The following EFL1 variants were observed in gnomAD, a reference collection of about 807,000 sequenced individuals.
EFL1 encodes the protein elongation factor-like GTPase 1.
Under a neutral mutation model 126.7 loss-of-function variants are expected in EFL1, and 76 were observed. The ratio of observed to expected loss-of-function variants is 0.60; its 90% confidence interval spans 0.50 to 0.73. The LOEUF (loss-of-function observed/expected upper bound fraction) is 0.73, where lower values mean the gene tolerates loss of function less well. EFL1 is among the 30% of genes least tolerant of loss of function. The probability of loss-of-function intolerance (pLI) is 0.00; values close to 1 mark genes in which losing one functional copy is unlikely to be tolerated. For synonymous variants in EFL1, 410 were observed against 448.4 expected, an observed-to-expected ratio of 0.91 and a Z score of 1.08; for missense variants, 1,128 against 1,343.2, an observed-to-expected ratio of 0.84 and a Z score of 2.50.
intron 15 of EFL1, among the ~76,000 whole-genome samples, chr15:82,207,309 C>CACACAT (rs2074536117): frequency 7.7e-6 from 1 of 130,046 alleles, no homozygotes; most frequent in Non-Finnish European, 1.6e-5. Flanking sequence ...TATATATATA[C>CACACAT]ACACACACAT....
chr15:82,166,640 T>G (rs1220815687), intron 15 of EFL1, among the ~76,000 whole-genome samples: 1 of 152,228 alleles, frequency 6.6e-6, no homozygotes, highest in Admixed American at 6.5e-5. Context: ...AAATACAGTC[T>G]GAAGCAACTT....
At chr15:82,237,591 C>G (rs1361128797) in intron 7 of EFL1, among the ~76,000 whole-genome samples, 3 of 152,206 alleles carry the variant, frequency 2.0e-5, no homozygotes, top group African/African-American at 7.2e-5. Flanking sequence ...CGTCTGGAAA[C>G]AGTTTGGTAG....
Position 82,214,745 on chromosome 15 carries a change from T to C in EFL1, c.1722A>G (p.Leu574=), listed in dbSNP as rs2074627132. 1 of 1,594,684 alleles carries C rather than the reference T, an allele frequency of 6.3e-7. No homozygotes were observed. Among genetic ancestry groups the C allele is most frequent in the Admixed American group, 1.8e-5 (1 of 56,232 alleles). Reference sequence around the variant, plus strand: ...GCACATTTCCTGGAGGTACCTCCTCTAGATATTCCAGTTCCCTTCCCATCA... The same window carrying C: ...GCACATTTCCTGGAGGTACCTCCTCCAGATATTCCAGTTCCCTTCCCATCA... The part of the protein sequence containing the change: ...YLLMGRELEY[L]EEVPPGNVLG... The change falls in exon 15 of 20, where the codon CTA becomes CTG. Residue 574 remains leucine, a synonymous_variant. Transcript: ENST00000268206.
At chr15:82,253,377 G>A (rs2075041105) in intron 3 of EFL1, among the ~76,000 whole-genome samples, 1 of 151,520 alleles carries the variant, frequency 6.6e-6, no homozygotes, top group South Asian at 2.1e-4. Context: ...ATGGGGGTCT[G>A]GAGAAGTGAA....
intron 15 of EFL1, among the ~76,000 whole-genome samples, chr15:82,167,314 T>C (rs530434119): frequency 6.6e-6 from 1 of 152,324 alleles, no homozygotes; most frequent in African/African-American, 2.4e-5. Flanking sequence ...TTAAATAAAT[T>C]GGCATGTGAA....
chr15:82,173,174 C>T (rs1261960217), intron 15 of EFL1, among the ~76,000 whole-genome samples: 1 of 152,116 alleles, frequency 6.6e-6, no homozygotes, highest in African/African-American at 2.4e-5. Flanking sequence ...ATAATGAATT[C>T]ATACAATGGA....
rs1280021228 is a variant in EFL1 at position 82,227,446 on chromosome 15, T to G, written c.1192+4A>C. 1 of 1,614,128 alleles carries G rather than the reference T, an allele frequency of 6.2e-7. No individual in the cohort carries two copies. Among genetic ancestry groups the G allele is most frequent in the South Asian group, 1.1e-5 (1 of 91,078 alleles). ...TATATTCCAACAGGTCCATCTTTCC[T>G]CACCTGCTTTCAGTGCTTGAGTTTC... On this transcript the variant is annotated splice_donor_region_variant and intron_variant, in intron 11 of 19. Transcript: ENST00000268206.
chr15:82,176,040 T>C (rs955910587), intron 15 of EFL1, among the ~76,000 whole-genome samples: 1 of 152,196 alleles, frequency 6.6e-6, no homozygotes, highest in Non-Finnish European at 1.5e-5. Flanking sequence ...GCTGCCATTA[T>C]TGAAGATGTA....
At chr15:82,165,771 C>G (rs2074073343) in intron 15 of EFL1, among the ~76,000 whole-genome samples, 1 of 152,236 alleles carries the variant, frequency 6.6e-6, no homozygotes, top group African/African-American at 2.4e-5. Context: ...CCTTTTAACT[C>G]TGTTCTGCCT....
intron 15 of EFL1, among the ~76,000 whole-genome samples, chr15:82,166,765 T>A (rs538740326): frequency 6.6e-6 from 1 of 152,360 alleles, no homozygotes; most frequent in East Asian, 1.9e-4. Context: ...TTTTTTCTTC[T>A]CTATTGTCAC....
At chr15:82,256,091 A>C (rs1033723953) in intron 3 of EFL1, among the ~76,000 whole-genome samples, 1 of 152,074 alleles carries the variant, frequency 6.6e-6, no homozygotes, top group Non-Finnish European at 1.5e-5. Flanking sequence ...GTTTTCTCCA[A>C]TATCTCATAG....
chr15:82,140,544 G>T (rs915212606), intron 18 of EFL1, among the ~76,000 whole-genome samples: 2 of 152,052 alleles, frequency 1.3e-5, no homozygotes, highest in Admixed American at 6.5e-5. Flanking sequence ...TCCACTCAGC[G>T]AGACAACTAA....
chr15:82,226,453 G>T (rs2074764857), intron 11 of EFL1, among the ~76,000 whole-genome samples: 2 of 152,176 alleles, frequency 1.3e-5, no homozygotes, highest in African/African-American at 4.8e-5. Context: ...TGATGGACTG[G>T]ATGTTGGAGT....
At chr15:82,261,839 G>A in intron 1 of EFL1, 42 bp from the exon 2 acceptor site, 1 of 1,501,340 alleles carries the variant, frequency 6.7e-7, no homozygotes, top group Non-Finnish European at 9.1e-7. Flanking sequence ...AGAGGCTAAA[G>A]GTCGGGGCAA....
chr15:82,241,300 C>G lies in EFL1; in HGVS notation c.348G>C (p.Val116=). ...AVRICDGCII[V]VDAVEGVCPQ... ...GACAGACTCCTTCCACAGCATCTAC[C>G]ACAATGATGCATCCATCACAAATGC... Residue 116 remains valine, a synonymous_variant, in exon 5 of 20, where the codon GTG becomes GTC. Coordinates refer to ENST00000268206, the MANE Select transcript of EFL1 (RefSeq NM_024580.6). 1 of 1,613,938 alleles carries G rather than the reference C, an allele frequency of 6.2e-7. No homozygotes were observed. The highest frequency in any genetic ancestry group is 8.5e-7 in the Non-Finnish European group (1 of 1,179,860).
chr15:82,198,329 C>T (rs773112444), intron 15 of EFL1, among the ~76,000 whole-genome samples: 10 of 152,128 alleles, frequency 6.6e-5, no homozygotes, highest in East Asian at 1.9e-4. Flanking sequence ...CCAGTGTAAA[C>T]GAGAAAGTGC....
At chr15:82,201,601 G>T (rs2141282072) in intron 15 of EFL1, among the ~76,000 whole-genome samples, 1 of 150,200 alleles carries the variant, frequency 6.7e-6, no homozygotes, top group South Asian at 2.1e-4. Context: ...AAATTATACT[G>T]CAATTGTGTG....
chr15:82,168,173 A>C (rs1168463286), intron 15 of EFL1, among the ~76,000 whole-genome samples: 1 of 152,134 alleles, frequency 6.6e-6, no homozygotes, highest in Non-Finnish European at 1.5e-5. Context: ...CTCTGTTTCC[A>C]ATTTTATGCC....
At chr15:82,237,704 CAT>C (rs1488574009) in intron 7 of EFL1, among the ~76,000 whole-genome samples, 1 of 149,158 alleles carries the variant, frequency 6.7e-6, no homozygotes, top group African/African-American at 2.5e-5. Context: ...AAAACCTACA[CAT>C]GAATGTTTAT....
Sources: allele counts gnomAD v4.1 joint callset (sites outside exome capture counted in the v4.1 genomes callset), GRCh38; gene constraint gnomAD v4.1.1; transcripts MANE v1.5; gene names NCBI Gene and HGNC (gene_info 2026-07-23, HGNC 2026-07-21).